PATL2: variants seen among roughly 807,000 people sequenced by gnomAD.
PATL2 encodes the protein protein PAT1 homolog 2.
In PATL2, 73 loss-of-function variants were observed where a neutral mutation model predicts 77.0. The observed-to-expected ratio is 0.95, with a 90% CI of 0.78 to 1.15. The LOEUF (loss-of-function observed/expected upper bound fraction) is 1.15, where lower values mean the gene tolerates loss of function less well. Among genes scored for constraint, PATL2 ranks in the 50% most tolerant of loss-of-function variants. The pLI is 0.00. For synonymous variants in PATL2, 265 were observed against 257.1 expected, an observed-to-expected ratio of 1.03 and a Z score of -0.29; for missense variants, 618 against 655.4, an observed-to-expected ratio of 0.94 and a Z score of 0.62.
In PATL2 at chr15:44,676,601, A is replaced by G. The variant is rs1044222739; in HGVS notation, c.-75-36T>C. Reference sequence around the variant, plus strand: ...AAAGAGGCCAAGAGGCACCATCCTCAGTCAGTAAGGATGACATGGCACCCT... The same window carrying G: ...AAAGAGGCCAAGAGGCACCATCCTCGGTCAGTAAGGATGACATGGCACCCT... On this transcript the variant is annotated intron_variant, in intron 3 of 17. Coordinates refer to ENST00000682850, the MANE Select transcript of PATL2 (RefSeq NM_001387263.1). 7.3e-6 allele frequency: 11 copies of G among 1,507,858 alleles called. No individual in the cohort carries two copies. The African/African-American group carries it at 1.4e-4, about 19-fold the overall frequency. The allele number at this position is 1,507,858 out of a possible 1,614,324, so 93.4% of individuals were successfully genotyped here.
At chr15:44,705,024 A>C (rs941502819) in intron 3 of PATL2, among the ~76,000 whole-genome samples, 2 of 151,884 alleles carry the variant, frequency 1.3e-5, no homozygotes, top group African/African-American at 2.4e-5. Flanking sequence ...AAATGTTTTG[A>C]GGTCATCTTC....
At chr15:44,695,605 C>T (rs924512690) in intron 3 of PATL2, among the ~76,000 whole-genome samples, 26 of 152,140 alleles carry the variant, frequency 1.7e-4, no homozygotes, top group African/African-American at 4.1e-4. Flanking sequence ...CACCGGCTGC[C>T]GGCTGGCCTT....
At chr15:44,700,189 G>C (rs1271134863) in intron 3 of PATL2, among the ~76,000 whole-genome samples, 1 of 151,992 alleles carries the variant, frequency 6.6e-6, no homozygotes, top group East Asian at 1.9e-4. Flanking sequence ...GTGTTTTATA[G>C]TTATCATCGT....
At chr15:44,699,649 T>A (rs1028577890) in intron 3 of PATL2, among the ~76,000 whole-genome samples, 15 of 152,232 alleles carry the variant, frequency 9.9e-5, no homozygotes, top group African/African-American at 3.6e-4. Context: ...GATTTAAGTC[T>A]TTATTCCATT....
chr15:44,667,176 G>T lies in PATL2; in HGVS notation c.1393C>A (p.Leu465Met), dbSNP rs775346086. The change falls in exon 16 of 18, where the codon CTG becomes ATG. Residue 465 changes from leucine (L) to methionine (M), a missense_variant. Coordinates refer to ENST00000682850, the MANE Select transcript of PATL2 (RefSeq NM_001387263.1). ...GATACCAGTTGCTCCCCATGGCTCA[G>T]CAGGGCATAGAGCAAAGATATTCCA... ...QFGISLLYALLSHGEQLVSLH... is the reference protein window; with the variant it reads ...QFGISLLYALMSHGEQLVSLH... 436 of 1,551,528 alleles carry T rather than the reference G, an allele frequency of 2.8e-4. No individual in the cohort carries two copies. The highest frequency in any genetic ancestry group is 3.6e-4 in the Non-Finnish European group (412 of 1,146,948).
chr15:44,668,249 T>C (rs2085481265), intron 15 of PATL2, 93 bp downstream of exon 15: 1 of 1,376,928 alleles, frequency 7.3e-7, no homozygotes, highest in Admixed American at 2.7e-5. Flanking sequence ...AGGATAAGAT[T>C]TGTGTAGAGA....
intron 7 of PATL2, 50 bp from the exon 8 acceptor site, chr15:44,672,506 C>G (rs909266074): frequency 6.7e-7 from 1 of 1,495,396 alleles, no homozygotes; most frequent in African/African-American, 1.4e-5. Context: ...TCTCAGTTCT[C>G]TGCCCCCTCC....
rs1358376877 is a variant in PATL2 at position 44,701,013 on chromosome 15, A to G, written c.-76+9083T>C. ...TTTTATCAACTGTTTTTTCAGCATC[A>G]GTTGAAATGATCATATGGTTTTTGC... is the stretch of plus-strand genomic sequence containing the variant. On this transcript the variant is annotated intron_variant, in intron 3 of 17. Coordinates refer to ENST00000682850, the MANE Select transcript of PATL2 (RefSeq NM_001387263.1). 1.3e-5 allele frequency among the ~76,000 whole-genome samples: 2 copies of G among 152,152 alleles called. 1 individual carries two copies. The highest frequency in any genetic ancestry group is 4.8e-5 in the African/African-American group (2 of 41,404).
At chr15:44,695,441 G>C (rs1424223043) in intron 3 of PATL2, among the ~76,000 whole-genome samples, 4 of 152,084 alleles carry the variant, frequency 2.6e-5, no homozygotes, top group Non-Finnish European at 4.4e-5. Flanking sequence ...ACAAGATGGC[G>C]CTGGCCAAGG....
chr15:44,680,664 C>T (rs761316655), intron 3 of PATL2, among the ~76,000 whole-genome samples: 3 of 152,098 alleles, frequency 2.0e-5, no homozygotes, highest in Admixed American at 6.6e-5. Context: ...GAGACAAATC[C>T]CTGTCTTGTT....
intron 3 of PATL2, chr15:44,697,439 C>A (rs1309438741): frequency 5.3e-5 from 8 of 152,186 alleles, no homozygotes; most frequent in African/African-American, 1.9e-4. Context: ...CCTTAATTTT[C>A]TTCTTTATAG....
At chr15:44,668,859 G>A in intron 14 of PATL2, 121 bp downstream of exon 14, 1 of 1,231,468 alleles carries the variant, frequency 8.1e-7, no homozygotes. Context: ...GGCAAGGCCA[G>A]CATCCCTCGC....
chr15:44,675,443 A>T (rs749650743), intron 5 of PATL2, 43 bp downstream of exon 5: 21 of 1,516,902 alleles, frequency 1.4e-5, no homozygotes, highest in Non-Finnish European at 1.6e-5. Context: ...TGAGCCACAG[A>T]CAGTTCAGGA....
chr15:44,666,925 AG>A (rs2085402361), intron 16 of PATL2, 180 bp downstream of exon 16: 3 of 593,920 alleles, frequency 5.1e-6, no homozygotes, highest in Non-Finnish European at 6.0e-6. Context: ...ACTGCCTCCT[AG>A]AAGAAACCGA....
chr15:44,667,214 CAT>C lies in PATL2; in HGVS notation c.1366-13_1366-12del. 1.3e-6 allele frequency: 2 copies of C among 1,543,898 alleles called. No homozygotes were observed. The highest frequency in any genetic ancestry group is 1.8e-6 in the Non-Finnish European group (2 of 1,140,202). Reference sequence around the variant, plus strand: ...CAAAGATATTCCAAACTGCAAGGGACATATATATATTCCAGAGCAAAATGAGT... The same window carrying C: ...CAAAGATATTCCAAACTGCAAGGGACATATATATTCCAGAGCAAAATGAGT... On this transcript the variant is annotated splice_polypyrimidine_tract_variant and intron_variant, in intron 15 of 17. Coordinates refer to ENST00000682850, the MANE Select transcript of PATL2 (RefSeq NM_001387263.1).
At chr15:44,683,296 G>C (rs187780425) in intron 3 of PATL2, among the ~76,000 whole-genome samples, 3 of 152,252 alleles carry the variant, frequency 2.0e-5, no homozygotes, top group African/African-American at 7.2e-5. Context: ...GTCTAGCTCA[G>C]TGGATCCCAC....
chr15:44,674,177 T>G lies in PATL2; in HGVS notation c.276A>C (p.Ser92=). 1.3e-6 allele frequency: 2 copies of G among 1,550,592 alleles called. No individual in the cohort carries two copies. Among genetic ancestry groups the G allele is most frequent in the Non-Finnish European group, 1.7e-6 (2 of 1,146,120 alleles). ...GCCACAGAAAATGCAAGGAGGCAAG[T>G]GACATTCCCAGCATACCAGGGGCCT... ...GVKAPGMLGM[S]LASLHFLWQT... Residue 92 remains serine, a synonymous_variant, in exon 6 of 18, where the codon TCA becomes TCC. Transcript: ENST00000682850.
intron 3 of PATL2, among the ~76,000 whole-genome samples, chr15:44,700,877 T>C (rs1026665179): frequency 1.5e-4 from 23 of 152,172 alleles, no homozygotes; most frequent in African/African-American, 5.5e-4. Flanking sequence ...GGTTTTCCCC[T>C]AATTCACTAT....
intron 3 of PATL2, among the ~76,000 whole-genome samples, chr15:44,692,431 G>A (rs909666167): frequency 1.3e-5 from 2 of 152,128 alleles, no homozygotes; most frequent in Admixed American, 1.3e-4. Context: ...CAGCTCTGTT[G>A]GTACCTGCAT....
Sources: gnomAD v4.1 joint callset for allele counts (sites outside exome capture counted in the v4.1 genomes callset) on GRCh38, gnomAD v4.1.1 for gene constraint, MANE v1.5 for transcripts, NCBI Gene and HGNC (gene_info 2026-07-23, HGNC 2026-07-21) for gene names.